Variants in EHD1 observed in about 807,000 individuals in gnomAD.
EHD1 encodes the protein EH domain containing 1, also known as EH domain-containing protein 1.
EHD1 carries 19 observed loss-of-function variants against 39.0 expected under a neutral mutation model. The ratio of observed to expected loss-of-function variants is 0.49; its 90% CI spans 0.34 to 0.72. The LOEUF (loss-of-function observed/expected upper bound fraction) is 0.72. Ranked by LOEUF, EHD1 falls within the 30% of genes least tolerant of loss-of-function variation. The probability of loss-of-function intolerance (pLI) is 0.01; values close to 1 mark genes in which losing one functional copy is unlikely to be tolerated. For missense variants in EHD1, 542 were observed against 751.5 expected, an observed-to-expected ratio of 0.72 and a Z score of 3.26; for synonymous variants, 323 against 331.2, an observed-to-expected ratio of 0.98 and a Z score of 0.27.
upstream of EHD1, among the ~76,000 whole-genome samples, chr11:64,879,385 G>T (rs1369777698): frequency 4.6e-5 from 7 of 152,154 alleles, no homozygotes; most frequent in Non-Finnish European, 1.0e-4. Context: ...TATAGCTGGG[G>T]CAAGGCAGGG....
Position 64,878,608 on chromosome 11 carries a change from G to C in EHD1, c.-144C>G, listed in dbSNP as rs548264192. On this transcript the variant is annotated 5_prime_UTR_variant, in exon 1 of 5. Transcript: ENST00000320631. ...GGCGCACAGCCCAGCCCGTCGAAGCGCCCTCTGCCGAATGCTGCGCACCCC... is the reference window on the plus strand; with the variant it reads ...GGCGCACAGCCCAGCCCGTCGAAGCCCCCTCTGCCGAATGCTGCGCACCCC... 17 of 1,421,638 alleles carry C rather than the reference G, an allele frequency of 1.2e-5. No individual in the cohort carries two copies. In the South Asian group the frequency reaches 2.1e-4, roughly 18 times the overall value. The allele number at this position is 1,421,638 out of a possible 1,614,324, so 88.1% of individuals were successfully genotyped here. A position where few individuals can be genotyped will look rare whatever the true frequency, so the allele number is the denominator to read the frequency against.
rs571351954 is a variant in EHD1 at position 64,871,679 on chromosome 11, C to T, written c.502+2742G>A. Among the ~76,000 whole-genome samples, 7 of 152,312 alleles carry T rather than the reference C, an allele frequency of 4.6e-5. No homozygotes were observed. The South Asian group carries it at 6.2e-4, about 14-fold the overall frequency. On this transcript the variant is annotated intron_variant, in intron 2 of 4. Coordinates refer to ENST00000320631, the MANE Select transcript of EHD1 (RefSeq NM_006795.4). ...CGTGATGTGCTTCTCTTTCAGCCAC[C>T]GGCTCCTTCCTGCCCATAATGGGTA...
rs147065799 is a variant in EHD1 at position 64,855,396 on chromosome 11, C to T, written c.1006G>A (p.Gly336Arg). ...CGCTCAATCTTCTGGTAGATCTCTCCGAGGTTGTTCACCAGCTCTTTCTTT... is the reference window on the plus strand; with the variant it reads ...CGCTCAATCTTCTGGTAGATCTCTCTGAGGTTGTTCACCAGCTCTTTCTTT... ...SKKKELVNNL[G>R]EIYQKIEREH... The change falls in exon 4 of 5, where the codon GGA becomes AGA. Residue 336 changes from glycine (G) to arginine (R), a missense_variant. Coordinates refer to ENST00000320631, the MANE Select transcript of EHD1 (RefSeq NM_006795.4). 1.9e-4 allele frequency: 312 copies of T among 1,614,008 alleles called. No homozygotes were observed. The highest frequency in any genetic ancestry group is 3.3e-4 in the Middle Eastern group (2 of 6,082).
chr11:64,870,475 A>T (rs535642595), intron 2 of EHD1, among the ~76,000 whole-genome samples: 1 of 152,218 alleles, frequency 6.6e-6, no homozygotes, highest in African/African-American at 2.4e-5. Context: ...TGATAACTCA[A>T]TGGAACTCAC....
At chr11:64,872,936 G>A (rs1246454996) in intron 2 of EHD1, among the ~76,000 whole-genome samples, 1 of 152,240 alleles carries the variant, frequency 6.6e-6, no homozygotes, top group Non-Finnish European at 1.5e-5. Context: ...GGATCTGCAA[G>A]TTAATCATCA....
Position 64,878,303 on chromosome 11 carries a change from G to A in EHD1, c.162C>T (p.Asp54=), listed in dbSNP as rs371914053. The A allele has an allele frequency of 1.9e-6, 3 of 1,614,216 alleles. No homozygotes were observed. In the Admixed American group the frequency reaches 5.0e-5, roughly 27 times the overall value. ...EFHSPALEDA[D]FDNKPMVLLV... ...GGAGCACCATAGGCTTGTTGTCGAA[G>A]TCAGCGTCCTCCAGCGCGGGCGAGT... is the stretch of plus-strand genomic sequence containing the variant. The change falls in exon 1 of 5, where the codon GAC becomes GAT. Residue 54 remains aspartate, a synonymous_variant. Transcript: ENST00000320631.
chr11:64,861,387 G>C (rs1340979249), intron 2 of EHD1, among the ~76,000 whole-genome samples: 3 of 152,210 alleles, frequency 2.0e-5, no homozygotes, highest in Non-Finnish European at 2.9e-5. Context: ...AGGAGACCCA[G>C]CACTGTGCTC....
Position 64,860,154 on chromosome 11 carries a change from G to C in EHD1, c.685C>G (p.Leu229Val). The change falls in exon 3 of 5, where the codon CTG (leucine) becomes GTG (valine). Residue 229 changes from leucine (L) to valine (V), a missense_variant. Transcript: ENST00000320631. ...NKADQIETQQ[L>V]MRVYGALMWS... ...ATGAGGGCCCCGTACACCCGCATCA[G>C]CTGCTGCGTCTCGATCTGGTCTGCC... The C allele has an allele frequency of 6.2e-7, 1 of 1,614,196 alleles. No individual in the cohort carries two copies. Among genetic ancestry groups the C allele is most frequent in the African/African-American group, 1.3e-5 (1 of 75,062 alleles).
intron 1 of EHD1, among the ~76,000 whole-genome samples, chr11:64,876,477 CTGTGGCACCAA>C (rs1341387817): frequency 1.3e-5 from 2 of 152,234 alleles, no homozygotes; most frequent in Non-Finnish European, 2.9e-5. Context: ...CTCTCAGATC[CTGTGGCACCAA>C]TGTCATCAAA....
intron 3 of EHD1, chr11:64,856,570 G>A (rs898392168): frequency 3.9e-5 from 6 of 152,286 alleles, no homozygotes; most frequent in East Asian, 3.9e-4. Context: ...AGCCACAGAG[G>A]GCTGCGGCCA....
Position 64,878,211 on chromosome 11 carries a change from C to A in EHD1, c.254G>T (p.Gly85Val), listed in dbSNP as rs1943908383. Residue 85 changes from glycine to valine, a missense_variant, in exon 1 of 5, where the codon GGG becomes GTG. By Grantham distance (109) the Gly-to-Val change is moderately radical. Transcript: ENST00000320631. ...GGTGGGCTCGGGCCCGATGCGCATC[C>A]CCGGGAAGTCCTGCTCGATCAGGTG... ...IRHLIEQDFP[G>V]MRIGPEPTTD... 2 of 1,612,648 alleles carry A rather than the reference C, an allele frequency of 1.2e-6. No homozygotes were observed. The highest frequency in any genetic ancestry group is 1.7e-6 in the Non-Finnish European group (2 of 1,178,840).
chr11:64,854,671 C>T lies in EHD1; in HGVS notation c.1267G>A (p.Gly423Arg), dbSNP rs768139342. 25 of 1,613,704 alleles carry T rather than the reference C, an allele frequency of 1.5e-5. No homozygotes were observed. The highest frequency in any genetic ancestry group is 3.3e-5 in the South Asian group (3 of 91,088). The change falls in exon 5 of 5, where the codon GGG (glycine) becomes AGG (arginine). Residue 423 changes from glycine (G) to arginine (R), a missense_variant. Physicochemically the swap from Gly to Arg is moderately radical, Grantham distance 125. Coordinates refer to ENST00000320631, the MANE Select transcript of EHD1 (RefSeq NM_006795.4). ...AFDGTMNGPFGHGYGEGAGEG... is the reference protein window; with the variant it reads ...AFDGTMNGPFRHGYGEGAGEG... ...CCGGCCCCCTCGCCGTAGCCGTGCC[C>T]GAACGGCCCGTTCATGGTGCCGTCA... is the stretch of plus-strand genomic sequence containing the variant.
intron 2 of EHD1, among the ~76,000 whole-genome samples, chr11:64,869,288 C>G (rs1055800173): frequency 3.9e-5 from 6 of 152,236 alleles, no homozygotes; most frequent in African/African-American, 1.4e-4. Context: ...AGGCTGAGGC[C>G]AAAAGCTGTC....
chr11:64,858,177 G>A (rs1319041768), intron 3 of EHD1, among the ~76,000 whole-genome samples: 1 of 114,326 alleles, frequency 8.7e-6, no homozygotes, highest in Non-Finnish European at 1.9e-5. Context: ...CCTGGCCAGA[G>A]CCTATTTCTT....
chr11:64,861,252 C>T (rs148051159), intron 2 of EHD1, among the ~76,000 whole-genome samples: 66 of 152,188 alleles, frequency 4.3e-4, no homozygotes, highest in African/African-American at 1.5e-3. Flanking sequence ...AGGATTATCT[C>T]CCCTATTCCT....
upstream of EHD1, chr11:64,879,468 G>T (rs1403074614): frequency 7.7e-6 from 10 of 1,301,964 alleles, no homozygotes; most frequent in Middle Eastern, 1.9e-4. Context: ...TTCCCTATGT[G>T]GGGAAGAGGG....
At chr11:64,879,066 C>G, upstream of EHD1, 1 of 999,782 alleles carries the variant, frequency 1.0e-6, no homozygotes, top group South Asian at 4.3e-5. Context: ...TCGGAATCCC[C>G]GGAAGCATCG....
At chr11:64,877,118 G>A (rs1943893275) in intron 1 of EHD1, among the ~76,000 whole-genome samples, 1 of 152,238 alleles carries the variant, frequency 6.6e-6, no homozygotes, top group African/African-American at 2.4e-5. Context: ...ACGTGGGGTG[G>A]CAGGGAGGAC....
chr11:64,855,332 C>A lies in EHD1; in HGVS notation c.1070G>T (p.Arg357Leu), dbSNP rs754955045. 2 of 1,613,840 alleles carry A rather than the reference C, an allele frequency of 1.2e-6. No individual in the cohort carries two copies. Among genetic ancestry groups the A allele is most frequent in the Non-Finnish European group, 1.7e-6 (2 of 1,179,982 alleles). ...QISPGDFPSLRKMQELLQTQD... is the reference protein window; with the variant it reads ...QISPGDFPSLLKMQELLQTQD... ...TCGGGACAGCCGTACCTGCATCTTG[C>A]GGAGGCTCGGGAAGTCCCCAGGGGA... Residue 357 changes from arginine (R) to leucine (L), a missense_variant, in exon 4 of 5, where the codon CGC becomes CTC. Arg to Leu is a moderately radical substitution (Grantham distance 102, BLOSUM62 -2). Coordinates refer to ENST00000320631, the MANE Select transcript of EHD1 (RefSeq NM_006795.4).
Sources: allele counts gnomAD v4.1 joint callset (sites outside exome capture counted in the v4.1 genomes callset), GRCh38; gene constraint gnomAD v4.1.1; transcripts MANE v1.5; gene names NCBI Gene and HGNC (gene_info 2026-07-23, HGNC 2026-07-21).